Variants in SEC24B observed in about 807,000 individuals in gnomAD.
The protein encoded by SEC24B is protein transport protein Sec24B.
A neutral mutation model predicts 142.8 loss-of-function variants in SEC24B; 45 were observed. The observed-to-expected ratio is 0.32, with a 90% CI of 0.25 to 0.40. The LOEUF (loss-of-function observed/expected upper bound fraction) is 0.40, where lower values mean the gene tolerates loss of function less well. Among genes scored for constraint, SEC24B ranks in the 10% least tolerant of loss-of-function variants. The probability of loss-of-function intolerance (pLI) is 1.00; values close to 1 mark genes in which losing one functional copy is unlikely to be tolerated. For synonymous variants in SEC24B, 574 were observed against 568.2 expected, an observed-to-expected ratio of 1.01 and a Z score of -0.15; for missense variants, 1,409 against 1,526.8, an observed-to-expected ratio of 0.92 and a Z score of 1.29.
At chr4:109,489,524 T>A (rs1734761244) in intron 4 of SEC24B, among the ~76,000 whole-genome samples, 1 of 141,548 alleles carries the variant, frequency 7.1e-6, no homozygotes, top group Non-Finnish European at 1.5e-5. Context: ...GACATTTTCA[T>A]CATCCCAAAA....
At chr4:109,465,718 T>C (rs1017304808) in intron 2 of SEC24B, among the ~76,000 whole-genome samples, 1 of 152,150 alleles carries the variant, frequency 6.6e-6, no homozygotes, top group Non-Finnish European at 1.5e-5. Flanking sequence ...CAGGGAAATA[T>C]GGGGTCACTT....
Position 109,463,579 on chromosome 4 carries a change from A to G in SEC24B, c.812A>G (p.Gln271Arg), listed in dbSNP as rs144453883. 6.2e-7 allele frequency: 1 copy of G among 1,614,162 alleles called. No homozygotes were observed. The highest frequency in any genetic ancestry group is 1.1e-5 in the South Asian group (1 of 91,078). ...TWSSPGLPST[Q>R]DNLIRNHTGS... The stretch of plus-strand genomic sequence containing the variant: ...TCATCTCCAGGCCTTCCATCGACTC[A>G]AGACAATCTCATCCGAAACCACACA... The change falls in exon 2 of 24, where the codon CAA becomes CGA. Residue 271 changes from glutamine to arginine, a missense_variant. Gln to Arg is a conservative substitution (Grantham distance 43). Coordinates refer to ENST00000265175, the MANE Select transcript of SEC24B (RefSeq NM_006323.5).
At chr4:109,493,025 G>GT (rs931617992) in intron 5 of SEC24B, among the ~76,000 whole-genome samples, 12 of 151,004 alleles carry the variant, frequency 7.9e-5, no homozygotes, top group East Asian at 1.9e-4. Context: ...CAGCGCCATT[G>GT]TTTTTTTTTA....
intron 2 of SEC24B, among the ~76,000 whole-genome samples, chr4:109,469,906 T>C (rs917562906): frequency 6.6e-6 from 1 of 152,184 alleles, no homozygotes; most frequent in African/African-American, 2.4e-5. Flanking sequence ...TTACCCAGAA[T>C]ATACAAGTGC....
At chr4:109,535,600 G>A (rs1383177060) in intron 22 of SEC24B, among the ~76,000 whole-genome samples, 2 of 151,214 alleles carry the variant, frequency 1.3e-5, no homozygotes, top group Non-Finnish European at 2.9e-5. Flanking sequence ...TGTAATCCCA[G>A]CACTTTGGGA....
At chr4:109,525,216 A>T in intron 15 of SEC24B, 130 bp from the exon 16 acceptor site, 1 of 768,098 alleles carries the variant, frequency 1.3e-6, no homozygotes, top group Non-Finnish European at 1.9e-6. Context: ...TCAGATTTGT[A>T]TGTTCTTATT....
chr4:109,500,745 C>T (rs1736046790), intron 6 of SEC24B, among the ~76,000 whole-genome samples: 1 of 152,002 alleles, frequency 6.6e-6, no homozygotes, highest in African/African-American at 2.4e-5. Flanking sequence ...CCTCCACCTC[C>T]CGGGCTCAAG....
intron 18 of SEC24B, among the ~76,000 whole-genome samples, chr4:109,529,538 C>CT (rs1366668293): frequency 6.6e-6 from 1 of 151,944 alleles, no homozygotes; most frequent in Non-Finnish European, 1.5e-5. Flanking sequence ...TTATTTTTCC[C>CT]TTTCAAAAAA....
intron 22 of SEC24B, among the ~76,000 whole-genome samples, chr4:109,536,046 G>A (rs1725499515): frequency 6.6e-6 from 1 of 151,886 alleles, no homozygotes; most frequent in African/African-American, 2.4e-5. Flanking sequence ...TATAAATTCA[G>A]TGTAATCCTT....
intron 1 of SEC24B, among the ~76,000 whole-genome samples, chr4:109,449,009 T>G (rs891964765): frequency 6.6e-6 from 1 of 152,204 alleles, no homozygotes; most frequent in Admixed American, 6.5e-5. Context: ...TTCCTCACTT[T>G]GAGTTTGCTG....
At chr4:109,518,154 C>G (rs1287631644) in intron 11 of SEC24B, among the ~76,000 whole-genome samples, 1 of 151,944 alleles carries the variant, frequency 6.6e-6, no homozygotes, top group African/African-American at 2.4e-5. Flanking sequence ...CATTTTGTCA[C>G]ATTAGTAATG....
chr4:109,462,215 A>G (rs1194082511), intron 1 of SEC24B, among the ~76,000 whole-genome samples: 2 of 152,174 alleles, frequency 1.3e-5, no homozygotes, highest in South Asian at 2.1e-4. Flanking sequence ...ACCCTGTCTC[A>G]AAGTTTAAAC....
In SEC24B at chr4:109,456,543, A is replaced by G. The variant is rs1730712879; in HGVS notation, c.134-6358A>G. Among the ~76,000 whole-genome samples, 7 of 152,236 alleles carry G rather than the reference A, an allele frequency of 4.6e-5. No individual in the cohort carries two copies. In the South Asian group the frequency reaches 1.4e-3, roughly 32 times the overall value. ...GGTTTGCTATAGGTTTTTAGTAGAT[A>G]GTCCTTATCAGGTTAAGAAAGTTTC... On this transcript the variant is annotated intron_variant, in intron 1 of 23. Coordinates refer to ENST00000265175, the MANE Select transcript of SEC24B (RefSeq NM_006323.5).
At chr4:109,455,669 C>T (rs1426223844) in intron 1 of SEC24B, among the ~76,000 whole-genome samples, 2 of 152,184 alleles carry the variant, frequency 1.3e-5, no homozygotes, top group African/African-American at 2.4e-5. Context: ...TCCTCAATTG[C>T]ATTGCCTTGG....
At chr4:109,529,709 A>G (rs1205172220) in intron 18 of SEC24B, among the ~76,000 whole-genome samples, 1 of 152,174 alleles carries the variant, frequency 6.6e-6, no homozygotes, top group African/African-American at 2.4e-5. Flanking sequence ...ATGGAAAAAT[A>G]TGCATTTCAC....
At chr4:109,445,538 C>T (rs1189930298) in intron 1 of SEC24B, among the ~76,000 whole-genome samples, 2 of 151,470 alleles carry the variant, frequency 1.3e-5, no homozygotes, top group Admixed American at 6.6e-5. Context: ...AGGCGTGAGC[C>T]ACGGCACCCA....
At chr4:109,505,170 T>C (rs1035243293) in intron 6 of SEC24B, among the ~76,000 whole-genome samples, 1 of 152,042 alleles carries the variant, frequency 6.6e-6, no homozygotes, top group African/African-American at 2.4e-5. Flanking sequence ...ATAAATGTTA[T>C]GTTTACTCAA....
chr4:109,482,952 A>G (rs1488290720), intron 4 of SEC24B, among the ~76,000 whole-genome samples: 7 of 53,152 alleles, frequency 1.3e-4, no homozygotes, highest in African/African-American at 9.8e-4. Context: ...ATATATATAT[A>G]TATATATATA....
At chr4:109,439,588 C>A (rs1288428889) in intron 1 of SEC24B, among the ~76,000 whole-genome samples, 1 of 143,674 alleles carries the variant, frequency 7.0e-6, no homozygotes, top group African/African-American at 2.6e-5. Flanking sequence ...CTGCAACCTC[C>A]GCCTCCCGGG....
Sources: gnomAD v4.1 joint callset for allele counts (sites outside exome capture counted in the v4.1 genomes callset) on GRCh38, gnomAD v4.1.1 for gene constraint, MANE v1.5 for transcripts, NCBI Gene and HGNC (gene_info 2026-07-23, HGNC 2026-07-21) for gene names.